LRP1B: variants seen among roughly 807,000 people sequenced by gnomAD.
LRP1B encodes low-density lipoprotein receptor-related protein 1B.
In LRP1B, 217 loss-of-function variants were observed where a neutral mutation model predicts 556.6. The ratio of observed to expected loss-of-function variants is 0.39; its 90% confidence interval spans 0.35 to 0.44. The LOEUF is 0.44. Among genes scored for constraint, LRP1B ranks in the 20% least tolerant of loss-of-function variants. The pLI, the probability that LRP1B is intolerant of heterozygous loss-of-function variation, is 1.00. For missense variants in LRP1B, 5,053 were observed against 5,620.8 expected (o/e 0.90, Z 3.23); for synonymous variants, 2,047 against 1,865.8 (o/e 1.10, Z -2.50).
intron 2 of LRP1B, among the ~76,000 whole-genome samples, chr2:141,754,558 G>A (rs1419802493): frequency 1.3e-5 from 2 of 152,150 alleles, no homozygotes; most frequent in African/African-American, 4.8e-5. Flanking sequence ...ATATAGGTAT[G>A]TGTATGCAAA....
intron 25 of LRP1B, among the ~76,000 whole-genome samples, chr2:140,879,925 G>A (rs1446187855): frequency 6.7e-6 from 1 of 148,264 alleles, no homozygotes; most frequent in Non-Finnish European, 1.5e-5. Flanking sequence ...TCAAGCAGCA[G>A]AAGGTAAAAA....
chr2:140,847,778 A>G (rs1397556410), intron 29 of LRP1B, among the ~76,000 whole-genome samples: 1 of 7,502 alleles, frequency 1.3e-4, no homozygotes, highest in East Asian at 1.3e-3. Context: ...AAAAAAAAAG[A>G]AGAAAGAAAA....
At chr2:141,047,488 G>C (rs112123795) in intron 11 of LRP1B, among the ~76,000 whole-genome samples, 1 of 152,010 alleles carries the variant, frequency 6.6e-6, no homozygotes, top group Non-Finnish European at 1.5e-5. Flanking sequence ...AATAATTTTA[G>C]TCTATCTCTC....
At chr2:141,114,541 C>A (rs1199033881) in intron 7 of LRP1B, among the ~76,000 whole-genome samples, 1 of 152,166 alleles carries the variant, frequency 6.6e-6, no homozygotes, top group African/African-American at 2.4e-5. Context: ...TCTTGATATT[C>A]AGATGCCCCT....
intron 1 of LRP1B, among the ~76,000 whole-genome samples, chr2:141,931,766 T>C (rs908513181): frequency 6.6e-6 from 1 of 152,156 alleles, no homozygotes. Flanking sequence ...TTAGAGAAGA[T>C]GTATTCTGTG....
chr2:140,233,125 A>T lies in LRP1B; in HGVS notation c.*61T>A, dbSNP rs2104870179. 9.2e-7 allele frequency: 1 copy of T among 1,090,260 alleles called. No individual in the cohort carries two copies. The highest frequency in any genetic ancestry group is 1.3e-6 in the Non-Finnish European group (1 of 778,576). 67.5% of individuals were successfully genotyped at this position (1,090,260 alleles called of 1,614,324 possible). On this transcript the variant is annotated 3_prime_UTR_variant, in exon 91 of 91. Coordinates refer to ENST00000389484, the MANE Select transcript of LRP1B (RefSeq NM_018557.3). The stretch of plus-strand genomic sequence containing the variant: ...GCCAAAACAAGTATAATACTGTTGG[A>T]ACATACAAAAGTAATCCTTATATTT...
At chr2:140,820,742 T>A (rs1030187613) in intron 31 of LRP1B, among the ~76,000 whole-genome samples, 1 of 152,158 alleles carries the variant, frequency 6.6e-6, no homozygotes, top group Non-Finnish European at 1.5e-5. Context: ...TTAAATATTT[T>A]TAAACTGTAG....
intron 2 of LRP1B, among the ~76,000 whole-genome samples, chr2:141,654,655 C>T (rs922822430): frequency 6.6e-6 from 1 of 152,104 alleles, no homozygotes; most frequent in Admixed American, 6.6e-5. Context: ...TTCTCTCGAT[C>T]CACAGGGCCA....
intron 18 of LRP1B, among the ~76,000 whole-genome samples, chr2:140,977,775 G>C (rs1181319853): frequency 6.6e-6 from 1 of 152,060 alleles, no homozygotes; most frequent in Non-Finnish European, 1.5e-5. Flanking sequence ...TATGTCTTGA[G>C]TTTTCAAATT....
In LRP1B at chr2:140,753,699, A is replaced by T. The variant is rs1688656336; in HGVS notation, c.5758+15514T>A. ...ACTAAATACTATTACTGCTTCCTCCACCACCTCAGTTCAGCTTGATGGAAG... is the reference window on the plus strand; with the variant it reads ...ACTAAATACTATTACTGCTTCCTCCTCCACCTCAGTTCAGCTTGATGGAAG... On this transcript the variant is annotated intron_variant, in intron 35 of 90. Coordinates refer to ENST00000389484, the MANE Select transcript of LRP1B (RefSeq NM_018557.3). 1.3e-5 allele frequency among the ~76,000 whole-genome samples: 2 copies of T among 152,160 alleles called. 1 individual carries two copies. The highest frequency in any genetic ancestry group is 4.1e-4 in the South Asian group (2 of 4,828).
At chr2:140,885,369 T>G (rs1008583585) in intron 24 of LRP1B, among the ~76,000 whole-genome samples, 1 of 151,784 alleles carries the variant, frequency 6.6e-6, no homozygotes, top group African/African-American at 2.4e-5. Context: ...TTTTTTTTTT[T>G]TTGAGATAAA....
chr2:140,649,352 G>A (rs1485138100), intron 41 of LRP1B, among the ~76,000 whole-genome samples: 1 of 151,952 alleles, frequency 6.6e-6, no homozygotes, highest in Non-Finnish European at 1.5e-5. Flanking sequence ...TTCATCCCTA[G>A]CACTATTATG....
chr2:141,601,707 G>A (rs544710627), intron 2 of LRP1B, among the ~76,000 whole-genome samples: 8 of 149,624 alleles, frequency 5.3e-5, no homozygotes, highest in East Asian at 4.0e-4. Context: ...GCAATAAAGC[G>A]ATCTTGTCTC....
At chr2:140,335,868 T>C (rs1681065233) in intron 77 of LRP1B, 30 bp from the exon 78 acceptor site, 2 of 1,368,542 alleles carry the variant, frequency 1.5e-6, no homozygotes, top group Non-Finnish European at 2.1e-6. Flanking sequence ...CACACCACGG[T>C]ATTTTCAACA....
At chr2:141,002,717 T>A (rs1697461472) in intron 15 of LRP1B, among the ~76,000 whole-genome samples, 1 of 152,016 alleles carries the variant, frequency 6.6e-6, no homozygotes, top group Admixed American at 6.6e-5. Context: ...TTTCAAGATA[T>A]ATTCCATCTA....
intron 2 of LRP1B, among the ~76,000 whole-genome samples, chr2:141,543,412 G>A (rs953283667): frequency 1.3e-5 from 2 of 151,528 alleles, no homozygotes; most frequent in Admixed American, 6.6e-5. Context: ...CTTCTCAAGA[G>A]GCTGAGGCAG....
At chr2:140,420,014 G>GAAAAAAAAAA in intron 66 of LRP1B, among the ~76,000 whole-genome samples, 1 of 86,322 alleles carries the variant, frequency 1.2e-5, no homozygotes, top group Non-Finnish European at 2.4e-5. Context: ...TCATAAAAAA[G>GAAAAAAAAAA]AAAAAAAAAA....
At chr2:141,453,356 C>CT (rs1681496384) in intron 3 of LRP1B, among the ~76,000 whole-genome samples, 1 of 152,156 alleles carries the variant, frequency 6.6e-6, no homozygotes, top group Non-Finnish European at 1.5e-5. Flanking sequence ...ACCTTGAATG[C>CT]TTTTTCTTTC....
intron 10 of LRP1B, among the ~76,000 whole-genome samples, chr2:141,052,483 T>C (rs1248991747): frequency 6.6e-6 from 1 of 152,040 alleles, no homozygotes; most frequent in African/African-American, 2.4e-5. Context: ...AGTCGGCTGC[T>C]TACCTATTGT....
Sources: allele counts gnomAD v4.1 joint callset (sites outside exome capture counted in the v4.1 genomes callset), GRCh38; gene constraint gnomAD v4.1.1; transcripts MANE v1.5; gene names NCBI Gene and HGNC (gene_info 2026-07-23, HGNC 2026-07-21).